Variants in MYO1D observed in about 807,000 individuals in gnomAD.
MYO1D encodes the protein myosin ID.
A neutral mutation model predicts 122.0 loss-of-function variants in MYO1D; 83 were observed. The observed-to-expected ratio is 0.68, with a 90% CI of 0.57 to 0.82. The LOEUF is 0.82. Among genes scored for constraint, MYO1D ranks in the 40% least tolerant of loss-of-function variants. MYO1D has a pLI of 0.00. For missense variants in MYO1D, 1,157 were observed against 1,269.5 expected (o/e 0.91, Z 1.35); for synonymous variants, 464 against 446.9 (o/e 1.04, Z -0.48).
chr17:32,700,569 G>A (rs1327935384), intron 16 of MYO1D, among the ~76,000 whole-genome samples: 3 of 152,226 alleles, frequency 2.0e-5, no homozygotes, highest in Admixed American at 1.3e-4. Context: ...AGAAGTTGGA[G>A]AAAGATAAAC....
chr17:32,674,371 GT>G (rs1482518586), intron 16 of MYO1D, among the ~76,000 whole-genome samples: 1 of 152,100 alleles, frequency 6.6e-6, no homozygotes, highest in African/African-American at 2.4e-5. Context: ...TTATTGCAAA[GT>G]TTTTTTCTGT....
chr17:32,587,648 G>C (rs1331737058), intron 21 of MYO1D, among the ~76,000 whole-genome samples: 1 of 152,134 alleles, frequency 6.6e-6, no homozygotes, highest in African/African-American at 2.4e-5. Context: ...TTTGTTGGAC[G>C]AACTAGCAGG....
intron 16 of MYO1D, among the ~76,000 whole-genome samples, chr17:32,695,095 G>C (rs1310867321): frequency 6.6e-6 from 1 of 151,486 alleles, no homozygotes; most frequent in Non-Finnish European, 1.5e-5. Flanking sequence ...CAGTGGTCTT[G>C]AACCTTTTTG....
In MYO1D at chr17:32,712,107, A is replaced by C; in HGVS notation, c.2002T>G (p.Phe668Val). Residue 668 changes from phenylalanine to valine, a missense_variant, in exon 16 of 22, where the codon TTT (phenylalanine) becomes GTT (valine). By Grantham distance (50) the Phe-to-Val change is conservative (BLOSUM62 -1). Coordinates refer to ENST00000318217, the MANE Select transcript of MYO1D (RefSeq NM_015194.3). ...TTCCCATAAGCTACATCATCCTGAA[A>C]ACCACACCGTTCAATTAGTTTCTTG... is the stretch of plus-strand genomic sequence containing the variant. ...AVKKLIERCG[F>V]QDDVAYGKTK... 4 of 1,614,158 alleles carry C rather than the reference A, an allele frequency of 2.5e-6. No individual in the cohort carries two copies. The highest frequency in any genetic ancestry group is 3.4e-6 in the Non-Finnish European group (4 of 1,180,006).
chr17:32,670,752 A>C (rs1330541512), intron 16 of MYO1D, among the ~76,000 whole-genome samples: 1 of 151,656 alleles, frequency 6.6e-6, no homozygotes, highest in Non-Finnish European at 1.5e-5. Flanking sequence ...ATTAGCATGC[A>C]CTCCCTTATC....
intron 1 of MYO1D, among the ~76,000 whole-genome samples, chr17:32,852,410 A>G: frequency 6.6e-6 from 1 of 152,256 alleles, no homozygotes. Flanking sequence ...TACAGGCATG[A>G]CCACTGTGCC....
chr17:32,641,899 G>A (rs1235303937), intron 19 of MYO1D, among the ~76,000 whole-genome samples: 2 of 151,976 alleles, frequency 1.3e-5, no homozygotes, highest in African/African-American at 4.8e-5. Flanking sequence ...CACTCTGATG[G>A]TAGTTTCTTT....
intron 20 of MYO1D, among the ~76,000 whole-genome samples, chr17:32,621,136 C>T (rs1202821126): frequency 6.6e-6 from 1 of 152,096 alleles, no homozygotes; most frequent in Admixed American, 6.5e-5. Flanking sequence ...CCTGCGTTTT[C>T]ACTGTAACCT....
intron 20 of MYO1D, among the ~76,000 whole-genome samples, chr17:32,635,367 A>G (rs2088083252): frequency 6.6e-6 from 1 of 152,138 alleles, no homozygotes; most frequent in Non-Finnish European, 1.5e-5. Flanking sequence ...CTGGGTTTCC[A>G]TGGGATTTGA....
At position 32,557,216 on chromosome 17, in the gene MYO1D, TC is replaced by T. The variant is rs1471176739; in HGVS notation, c.2864+47870del. ...TCACTGCAACCTCTGCCTTCCGGTT[TC>T]AAGCTGTTCTCCTGCCTCAGCCTCC... On this transcript the variant is annotated intron_variant, in intron 21 of 21. Transcript: ENST00000318217. Among the ~76,000 whole-genome samples, 136 of 152,200 alleles carry T rather than the reference TC, an allele frequency of 8.9e-4. 1 individual carries two copies. The South Asian group carries it at 0.014, about 15-fold the overall frequency.
intron 1 of MYO1D, among the ~76,000 whole-genome samples, chr17:32,822,940 C>G (rs918631354): frequency 1.3e-5 from 2 of 152,038 alleles, no homozygotes; most frequent in African/African-American, 4.8e-5. Flanking sequence ...ATGTAACAAA[C>G]CTGCACGTTG....
intron 1 of MYO1D, among the ~76,000 whole-genome samples, chr17:32,845,430 T>C (rs1319089786): frequency 3.3e-5 from 5 of 152,220 alleles, no homozygotes; most frequent in African/African-American, 1.2e-4. Flanking sequence ...TAGAGTGCCA[T>C]AATATTGATA....
intron 20 of MYO1D, among the ~76,000 whole-genome samples, chr17:32,632,922 C>A (rs183743039): frequency 2.1e-3 from 323 of 152,110 alleles, no homozygotes; most frequent in African/African-American, 7.5e-3. Flanking sequence ...ACAAATATGG[C>A]ACTGAAGAGC....
At chr17:32,548,153 C>A (rs1213312965) in intron 21 of MYO1D, among the ~76,000 whole-genome samples, 1 of 152,012 alleles carries the variant, frequency 6.6e-6, no homozygotes, top group Non-Finnish European at 1.5e-5. Context: ...GGCATGGTGG[C>A]ATGCCTGTCA....
At chr17:32,804,942 C>T (rs1416212668) in intron 1 of MYO1D, among the ~76,000 whole-genome samples, 1 of 152,152 alleles carries the variant, frequency 6.6e-6, no homozygotes, top group Non-Finnish European at 1.5e-5. Flanking sequence ...TGGTCACACA[C>T]AGTCTGACCA....
intron 21 of MYO1D, among the ~76,000 whole-genome samples, chr17:32,565,506 G>A (rs955339862): frequency 2.0e-5 from 3 of 152,156 alleles, no homozygotes; most frequent in Non-Finnish European, 4.4e-5. Flanking sequence ...CTTAGCCCTC[G>A]ATCATCTGCT....
At chr17:32,695,241 C>A (rs1424752032) in intron 16 of MYO1D, among the ~76,000 whole-genome samples, 22 of 152,232 alleles carry the variant, frequency 1.4e-4, no homozygotes, top group Non-Finnish European at 2.9e-4. Context: ...CAGCCTAGAT[C>A]CCTTGCATGC....
chr17:32,507,100 T>TAGTAAAAGTAAAAGTAAA (rs1246564193), intron 21 of MYO1D, among the ~76,000 whole-genome samples: 33 of 152,276 alleles, frequency 2.2e-4, no homozygotes, highest in Admixed American at 2.0e-3. Context: ...TCCACAATCA[T>TAGTAAAAGTAAAAGTAAA]AGTAAAAGTA....
Position 32,654,619 on chromosome 17 carries a change from C to G in MYO1D, c.2348G>C (p.Trp783Ser). Residue 783 changes from tryptophan to serine, a missense_variant and splice_region_variant, in exon 18 of 22, where the codon TGG becomes TCG. Coordinates refer to ENST00000318217, the MANE Select transcript of MYO1D (RefSeq NM_015194.3). ...GCTCTTGATGAGCTGGGATGCTCTC[C>G]ATCTACAAGTAAATAGACAACATGT... is the stretch of plus-strand genomic sequence containing the variant. ...EEALQTIFNR[W>S]RASQLIKSIP... 1 of 1,601,666 alleles carries G rather than the reference C, an allele frequency of 6.2e-7. No homozygotes were observed. The highest frequency in any genetic ancestry group is 2.2e-5 in the East Asian group (1 of 44,628).
Sources: gnomAD v4.1 joint callset for allele counts (sites outside exome capture counted in the v4.1 genomes callset) on GRCh38, gnomAD v4.1.1 for gene constraint, MANE v1.5 for transcripts, NCBI Gene and HGNC (gene_info 2026-07-23, HGNC 2026-07-21) for gene names.